The following IMMP2L variants were observed in gnomAD, a reference collection of about 807,000 sequenced individuals.
IMMP2L encodes inner mitochondrial membrane peptidase subunit 2.
A neutral mutation model predicts 19.3 loss-of-function variants in IMMP2L; 18 were observed. That is an observed-to-expected ratio of 0.93 (90% CI 0.64 to 1.38). The LOEUF (loss-of-function observed/expected upper bound fraction) is 1.38, where lower values mean the gene tolerates loss of function less well. IMMP2L is among the 40% of genes most tolerant of loss of function. The probability of loss-of-function intolerance (pLI) is 0.00; values close to 1 mark genes in which losing one functional copy is unlikely to be tolerated. For missense variants in IMMP2L, 233 were observed against 218.2 expected (o/e 1.07, Z -0.43); for synonymous variants, 76 against 73.0 (o/e 1.04, Z -0.21).
intron 3 of IMMP2L, among the ~76,000 whole-genome samples, chr7:111,019,503 G>A (rs1003162462): frequency 6.6e-6 from 1 of 152,138 alleles, no homozygotes; most frequent in Non-Finnish European, 1.5e-5. Context: ...GACAGAGGGG[G>A]AGGCAGCCAG....
At chr7:111,114,765 A>G (rs1455376191) in intron 3 of IMMP2L, among the ~76,000 whole-genome samples, 1 of 151,930 alleles carries the variant, frequency 6.6e-6, no homozygotes, top group African/African-American at 2.4e-5. Context: ...AAAGAAAGAA[A>G]AAAAAAGAAA....
rs911336359 is a variant in IMMP2L, at chr7:110,663,713, T to A, written c.417A>T (p.Leu139=). The A allele has an allele frequency of 1.3e-6, 2 of 1,577,860 alleles. No homozygotes were observed. The highest frequency in any genetic ancestry group is 1.7e-6 in the Non-Finnish European group (2 of 1,165,366). Residue 139 remains leucine (L), a synonymous_variant, in exon 6 of 6, where the codon CTA becomes CTT. Transcript: ENST00000405709. The part of the protein sequence containing the change: ...FDSNSFGPVS[L]GLLHAHATHI... ...GTGTGGCATGGGCATGCAGAAGTCC[T>A]AGGGAAACCTTAATTCATGAGAAAC...
At chr7:111,556,040 A>ATATATATATATATATATATATACC (rs1264908580) in intron 1 of IMMP2L, among the ~76,000 whole-genome samples, 1 of 139,356 alleles carries the variant, frequency 7.2e-6, no homozygotes, top group Non-Finnish European at 1.6e-5. Context: ...ATATATACAT[A>ATATATATATATATATATATATACC]CCCAAAGAAA....
chr7:110,880,333 C>A (rs1809516246), intron 5 of IMMP2L, among the ~76,000 whole-genome samples: 1 of 152,000 alleles, frequency 6.6e-6, no homozygotes, highest in Non-Finnish European at 1.5e-5. Flanking sequence ...AGAGCAAAGT[C>A]TTTTTAAAGA....
chr7:111,504,175 T>C (rs1280203477), intron 2 of IMMP2L, among the ~76,000 whole-genome samples: 4 of 151,948 alleles, frequency 2.6e-5, no homozygotes, highest in Admixed American at 6.6e-5. Flanking sequence ...TATACACCAA[T>C]AACAGACAAA....
rs1445595349 is a variant in IMMP2L at position 111,562,397 on chromosome 7, C to G, written c.-549G>C. ...CCACCAAGGGTCGGCGGCTACGCGCCCGCCGACCCCTGCCAGCCTCACAGC... is the reference window on the plus strand; with the variant it reads ...CCACCAAGGGTCGGCGGCTACGCGCGCGCCGACCCCTGCCAGCCTCACAGC... On this transcript the variant is annotated 5_prime_UTR_variant, in exon 1 of 6. Coordinates refer to ENST00000405709, the MANE Select transcript of IMMP2L (RefSeq NM_032549.4). 1 of 150,312 alleles carries G rather than the reference C, an allele frequency of 6.7e-6. No homozygotes were observed. The highest frequency in any genetic ancestry group is 2.4e-5 in the African/African-American group (1 of 41,022). 9.3% of individuals were successfully genotyped at this position (150,312 alleles called of 1,614,324 possible). A position where few individuals can be genotyped will look rare whatever the true frequency, so the allele number is the denominator to read the frequency against.
intron 3 of IMMP2L, among the ~76,000 whole-genome samples, chr7:111,069,863 A>G (rs763487909): frequency 7.9e-5 from 12 of 152,192 alleles, no homozygotes; most frequent in Non-Finnish European, 1.8e-4. Flanking sequence ...TTCCAGGGCC[A>G]AAGACAGGAC....
At chr7:111,057,807 T>C (rs1223015841) in intron 3 of IMMP2L, among the ~76,000 whole-genome samples, 1 of 152,164 alleles carries the variant, frequency 6.6e-6, no homozygotes, top group Non-Finnish European at 1.5e-5. Context: ...AAGAAAATAA[T>C]CAAATAATCA....
At chr7:111,388,025 T>G (rs565464043) in intron 3 of IMMP2L, among the ~76,000 whole-genome samples, 1 of 150,190 alleles carries the variant, frequency 6.7e-6, no homozygotes, top group Admixed American at 6.6e-5. Context: ...ACCCCATTTT[T>G]AATAGAAATT....
intron 3 of IMMP2L, among the ~76,000 whole-genome samples, chr7:111,167,691 C>CT (rs1207620439): frequency 2.0e-5 from 3 of 151,894 alleles, no homozygotes; most frequent in African/African-American, 7.2e-5. Flanking sequence ...GGCTTACTCT[C>CT]TAATATCCTT....
chr7:110,990,481 A>T (rs1822341892), intron 3 of IMMP2L, among the ~76,000 whole-genome samples: 1 of 152,316 alleles, frequency 6.6e-6, no homozygotes, highest in East Asian at 1.9e-4. Context: ...TATTTTAGTT[A>T]TACCCTAACC....
intron 3 of IMMP2L, among the ~76,000 whole-genome samples, chr7:111,419,671 G>A (rs1027712301): frequency 6.6e-6 from 1 of 151,434 alleles, no homozygotes; most frequent in Non-Finnish European, 1.5e-5. Context: ...TATGTCTCAT[G>A]TCTCCCTAAA....
intron 3 of IMMP2L, among the ~76,000 whole-genome samples, chr7:111,250,316 A>G (rs1815945813): frequency 6.6e-6 from 1 of 152,136 alleles, no homozygotes; most frequent in African/African-American, 2.4e-5. Flanking sequence ...TACCAAGAAA[A>G]TGGCCATACT....
chr7:110,692,958 G>A (rs1584518183), intron 5 of IMMP2L, among the ~76,000 whole-genome samples: 2 of 152,200 alleles, frequency 1.3e-5, no homozygotes, highest in Admixed American at 6.6e-5. Context: ...TTGTGAAAAT[G>A]CAGCCCAAGC....
intron 2 of IMMP2L, among the ~76,000 whole-genome samples, chr7:111,504,861 TA>T (rs1844708745): frequency 1.3e-5 from 2 of 151,836 alleles, no homozygotes; most frequent in Non-Finnish European, 2.9e-5. Flanking sequence ...CCTAAAACCA[TA>T]AAAACCCTAG....
intron 3 of IMMP2L, among the ~76,000 whole-genome samples, chr7:111,357,484 C>A (rs1011730418): frequency 1.3e-5 from 2 of 152,114 alleles, no homozygotes; most frequent in African/African-American, 4.8e-5. Flanking sequence ...TAAAACCATG[C>A]TAATTTACAT....
chr7:111,234,563 T>C (rs529160180), intron 3 of IMMP2L, among the ~76,000 whole-genome samples: 28 of 152,116 alleles, frequency 1.8e-4, no homozygotes, highest in Non-Finnish European at 3.5e-4. Flanking sequence ...CCTGGATATA[T>C]ACAATCATGA....
chr7:111,049,352 C>T (rs1487564348), intron 3 of IMMP2L, among the ~76,000 whole-genome samples: 5 of 151,124 alleles, frequency 3.3e-5, no homozygotes, highest in Non-Finnish European at 3.0e-5. Context: ...AGGATGGTCT[C>T]GATCTCCTGA....
intron 3 of IMMP2L, among the ~76,000 whole-genome samples, chr7:111,410,419 A>G (rs1210902760): frequency 6.6e-6 from 1 of 151,812 alleles, no homozygotes; most frequent in African/African-American, 2.4e-5. Context: ...TGTAATTAGT[A>G]CTACATTAGT....
Sources: gnomAD v4.1 joint callset for allele counts (sites outside exome capture counted in the v4.1 genomes callset) on GRCh38, gnomAD v4.1.1 for gene constraint, MANE v1.5 for transcripts, NCBI Gene and HGNC (gene_info 2026-07-23, HGNC 2026-07-21) for gene names.